The following FAM13A variants were observed in gnomAD, a reference collection of about 807,000 sequenced individuals.
FAM13A encodes the protein family with sequence similarity 13 member A.
FAM13A carries 76 observed loss-of-function variants against 129.6 expected under a neutral mutation model. The observed-to-expected ratio is 0.59, with a 90% CI of 0.49 to 0.71. FAM13A has a LOEUF of 0.71. Ranked by LOEUF, FAM13A falls within the 30% of genes least tolerant of loss-of-function variation. FAM13A has a pLI of 0.00. For missense variants in FAM13A, 1,108 were observed against 1,249.3 expected (o/e 0.89, Z 1.70); for synonymous variants, 443 against 449.9 (o/e 0.98, Z 0.20).
chr4:88,852,535 T>C (rs1380150776), intron 6 of FAM13A, among the ~76,000 whole-genome samples: 3 of 152,192 alleles, frequency 2.0e-5, no homozygotes, highest in African/African-American at 7.2e-5. Flanking sequence ...TACCCTTGAT[T>C]ACACATTGCC....
At chr4:89,000,364 T>C (rs916006460) in intron 3 of FAM13A, among the ~76,000 whole-genome samples, 3 of 152,288 alleles carry the variant, frequency 2.0e-5, no homozygotes, top group Admixed American at 6.5e-5. Context: ...AGTACTGATA[T>C]ATGTGACACC....
At chr4:88,735,652 T>C (rs1330850104) in intron 21 of FAM13A, among the ~76,000 whole-genome samples, 1 of 152,138 alleles carries the variant, frequency 6.6e-6, no homozygotes, top group Non-Finnish European at 1.5e-5. Context: ...TTAGATACAA[T>C]CTTACCTGCA....
intron 6 of FAM13A, among the ~76,000 whole-genome samples, chr4:88,854,555 T>C (rs956422507): frequency 6.6e-6 from 1 of 152,366 alleles, no homozygotes; most frequent in East Asian, 1.9e-4. Context: ...CTTCATTTAT[T>C]TGATCATTTA....
intron 3 of FAM13A, among the ~76,000 whole-genome samples, chr4:89,014,889 T>A (rs571518028): frequency 1.3e-5 from 2 of 152,198 alleles, no homozygotes; most frequent in Non-Finnish European, 2.9e-5. Context: ...ACAAGGGAGA[T>A]AACCATTAAG....
At chr4:88,775,218 A>C (rs1002503922) in intron 11 of FAM13A, among the ~76,000 whole-genome samples, 1 of 152,142 alleles carries the variant, frequency 6.6e-6, no homozygotes, top group Non-Finnish European at 1.5e-5. Flanking sequence ...GGTTCAGACA[A>C]AGAGCCACAA....
intron 6 of FAM13A, among the ~76,000 whole-genome samples, chr4:88,898,433 T>G (rs555466952): frequency 1.3e-5 from 2 of 151,988 alleles, no homozygotes; most frequent in Non-Finnish European, 2.9e-5. Context: ...ATTGTTTGAG[T>G]CAAGAAGGGA....
intron 1 of FAM13A, among the ~76,000 whole-genome samples, chr4:89,050,758 T>C (rs1262545562): frequency 6.6e-6 from 1 of 151,846 alleles, no homozygotes; most frequent in Non-Finnish European, 1.5e-5. Context: ...TGAAACCCTG[T>C]CTCTACTAAA....
At chr4:88,833,921 A>T (rs1467442935) in intron 7 of FAM13A, among the ~76,000 whole-genome samples, 1 of 152,000 alleles carries the variant, frequency 6.6e-6, no homozygotes, top group Non-Finnish European at 1.5e-5. Context: ...TTATTAATTT[A>T]ATTTAATTTT....
intron 6 of FAM13A, among the ~76,000 whole-genome samples, chr4:88,884,283 A>G (rs1233595431): frequency 6.6e-6 from 1 of 152,148 alleles, no homozygotes; most frequent in Admixed American, 6.5e-5. Context: ...CCAACAGCAT[A>G]TCAAAAAGAT....
intron 10 of FAM13A, among the ~76,000 whole-genome samples, chr4:88,784,001 C>T (rs979501782): frequency 1.3e-5 from 2 of 151,904 alleles, no homozygotes; most frequent in Non-Finnish European, 2.9e-5. Context: ...CCCAAGCAGA[C>T]TAAAGACGAC....
At chr4:89,011,828 CCTT>C (rs1159494365) in intron 3 of FAM13A, among the ~76,000 whole-genome samples, 1 of 152,168 alleles carries the variant, frequency 6.6e-6, no homozygotes, top group Non-Finnish European at 1.5e-5. Flanking sequence ...TTTCTTCCCT[CCTT>C]GTTAGTTACC....
intron 4 of FAM13A, among the ~76,000 whole-genome samples, chr4:88,949,097 T>C (rs2148867372): frequency 6.6e-6 from 1 of 152,352 alleles, no homozygotes; most frequent in South Asian, 2.1e-4. Context: ...ATTTCTAGCC[T>C]TGCTATTCAA....
At chr4:89,020,778 A>G (rs1417711164) in intron 2 of FAM13A, 109 bp from the exon 3 acceptor site, 7 of 700,334 alleles carry the variant, frequency 1.0e-5, no homozygotes, top group Non-Finnish European at 1.7e-5. Flanking sequence ...TTCTCTCAAC[A>G]CTGTAATTAT....
rs2290356 is a variant in FAM13A, at chr4:88,739,011, G to T, written c.2562+19C>A. The T allele has an allele frequency of 1.3e-6, 2 of 1,516,430 alleles. No individual in the cohort carries two copies. The highest frequency in any genetic ancestry group is 1.7e-5 in the Admixed American group (1 of 59,866). 93.9% of individuals were successfully genotyped at this position (1,516,430 alleles called of 1,614,324 possible). ...AGCGGAAAGGTGTTGTACCAGCCAC[G>T]GGAAGGTATTCTACTCACAATGATG... On this transcript the variant is annotated intron_variant, in intron 20 of 23. Transcript: ENST00000264344.
chr4:88,759,341 G>A (rs376150697), intron 13 of FAM13A: 12 of 156,700 alleles, frequency 7.7e-5, no homozygotes, highest in African/African-American at 2.9e-4. Flanking sequence ...AGTCCTGCAA[G>A]CCAGGAATAG....
intron 4 of FAM13A, among the ~76,000 whole-genome samples, chr4:88,958,298 C>T (rs1417443741): frequency 2.0e-5 from 3 of 152,238 alleles, no homozygotes. Context: ...TGCTACCCTG[C>T]ACCGCTTCAG....
chr4:88,738,686 T>C (rs1198358559), intron 20 of FAM13A, among the ~76,000 whole-genome samples: 1 of 152,146 alleles, frequency 6.6e-6, no homozygotes, highest in Non-Finnish European at 1.5e-5. Context: ...ACGGCACTCT[T>C]TGGAGTGAAG....
At chr4:88,779,725 TAGTTTTATC>T (rs1722491675) in intron 11 of FAM13A, among the ~76,000 whole-genome samples, 1 of 152,212 alleles carries the variant, frequency 6.6e-6, no homozygotes, top group Non-Finnish European at 1.5e-5. Flanking sequence ...ACTATGTCCA[TAGTTTTATC>T]AGTAAACACA....
rs1578624112 is a variant in FAM13A, at chr4:88,781,106, CAAAGA to C, written c.1458+54_1458+58del. On this transcript the variant is annotated intron_variant, in intron 11 of 23. Transcript: ENST00000264344. ...AATTACTTTTAATTTTTTTACAAAG[CAAAGA>C]AAAGAGATGTAATATTTCCTAACAA... is the stretch of plus-strand genomic sequence containing the variant. 15 of 1,204,524 alleles carry C rather than the reference CAAAGA, an allele frequency of 1.2e-5. No homozygotes were observed. The East Asian group carries it at 3.3e-4, about 27-fold the overall frequency. The allele number at this position is 1,204,524 out of a possible 1,614,324, so 74.6% of individuals were successfully genotyped here.
Sources: allele counts gnomAD v4.1 joint callset (sites outside exome capture counted in the v4.1 genomes callset), GRCh38; gene constraint gnomAD v4.1.1; transcripts MANE v1.5; gene names NCBI Gene and HGNC (gene_info 2026-07-23, HGNC 2026-07-21).